POMT2: variants seen among roughly 807,000 people sequenced by gnomAD.
The protein encoded by POMT2 is protein O-mannosyltransferase 2, also known as protein O-mannosyl-transferase 2.
A neutral mutation model predicts 100.0 loss-of-function variants in POMT2; 75 were observed. The ratio of observed to expected loss-of-function variants is 0.75; its 90% CI spans 0.62 to 0.91. The LOEUF is 0.91. Among genes scored for constraint, POMT2 ranks in the 40% least tolerant of loss-of-function variants. The pLI is 0.00. For missense variants in POMT2, 940 were observed against 955.1 expected, an observed-to-expected ratio of 0.98 and a Z score of 0.21; for synonymous variants, 378 against 374.1, an observed-to-expected ratio of 1.01 and a Z score of -0.12.
chr14:77,293,210 T>C lies in POMT2; in HGVS notation c.1117-1830A>G, dbSNP rs556552283. 3.0e-3 allele frequency among the ~76,000 whole-genome samples: 455 copies of C among 152,344 alleles called. 3 individuals carry two copies. The highest frequency in any genetic ancestry group is 0.011 in the African/African-American group (439 of 41,580). On this transcript the variant is annotated intron_variant, in intron 9 of 20. Transcript: ENST00000261534. ...TCGATATCGTCCATCCAGCCTGGATTTGCTCAAGGAAGTTAAGGTTCTATG... is the reference window on the plus strand; with the variant it reads ...TCGATATCGTCCATCCAGCCTGGATCTGCTCAAGGAAGTTAAGGTTCTATG...
At chr14:77,280,707 A>AAAGAGGG (rs1487735146) in intron 15 of POMT2, among the ~76,000 whole-genome samples, 1 of 151,872 alleles carries the variant, frequency 6.6e-6, no homozygotes, top group African/African-American at 2.4e-5. Context: ...AAAAGAAGGG[A>AAAGAGGG]AAGAGGAAAT....
At chr14:77,278,309 C>T in intron 20 of POMT2, 85 bp downstream of exon 20, 1 of 1,146,790 alleles carries the variant, frequency 8.7e-7, no homozygotes, top group Non-Finnish European at 1.3e-6. Flanking sequence ...GTGTTAAAAG[C>T]ACCGCAGGGG....
chr14:77,310,916 C>T (rs953662928), intron 2 of POMT2, among the ~76,000 whole-genome samples: 10 of 152,230 alleles, frequency 6.6e-5, no homozygotes, highest in African/African-American at 2.4e-4. Context: ...GGTGGACCAC[C>T]TGAGGTTGGG....
In POMT2 at chr14:77,302,956, A is replaced by G. The variant is rs761097529; in HGVS notation, c.548-13T>C. On this transcript the variant is annotated splice_polypyrimidine_tract_variant and intron_variant, in intron 4 of 20. Coordinates refer to ENST00000261534, the MANE Select transcript of POMT2 (RefSeq NM_013382.7). ...AGGCATCCCGTGTCTGAAAAACATGAGCTCGCTGGTGAAAAAGCGAGGTAA... is the reference window on the plus strand; with the variant it reads ...AGGCATCCCGTGTCTGAAAAACATGGGCTCGCTGGTGAAAAAGCGAGGTAA... The G allele has an allele frequency of 6.3e-7, 1 of 1,597,364 alleles. No individual in the cohort carries two copies. Among genetic ancestry groups the G allele is most frequent in the South Asian group, 1.1e-5 (1 of 89,898 alleles).
At chr14:77,318,987 C>T (rs1455957292) in intron 1 of POMT2, among the ~76,000 whole-genome samples, 7 of 152,182 alleles carry the variant, frequency 4.6e-5, no homozygotes, top group African/African-American at 1.4e-4. Context: ...CTGCCCGCCT[C>T]GGCCTCCCAA....
rs777753083 is a variant in POMT2 at position 77,302,817 on chromosome 14, G to A, written c.656+18C>T. ...CCACAGCTTCCAACCCTCCCCTCCC[G>A]GGGATGGAGTTTCTGACCTGTCGGC... On this transcript the variant is annotated intron_variant, in intron 5 of 20. Coordinates refer to ENST00000261534, the MANE Select transcript of POMT2 (RefSeq NM_013382.7). 4.7e-5 allele frequency: 75 copies of A among 1,595,760 alleles called. No homozygotes were observed. In the Middle Eastern group the frequency reaches 1.0e-3, roughly 22 times the overall value.
At chr14:77,298,574 C>T (rs111467911) in intron 8 of POMT2, 115 bp downstream of exon 8, 48 of 1,093,256 alleles carry the variant, frequency 4.4e-5, no homozygotes, top group African/African-American at 4.2e-4. Flanking sequence ...GGGTCTTTCT[C>T]CCACCGTGCC....
intron 6 of POMT2, 104 bp downstream of exon 6, chr14:77,300,986 A>G: frequency 6.2e-7 from 1 of 1,608,204 alleles, no homozygotes; most frequent in East Asian, 2.2e-5. Flanking sequence ...GACCCAGAAC[A>G]CAGCCACTCT....
At chr14:77,277,782 C>G (rs964812312) in intron 20 of POMT2, among the ~76,000 whole-genome samples, 1 of 152,190 alleles carries the variant, frequency 6.6e-6, no homozygotes, top group Non-Finnish European at 1.5e-5. Flanking sequence ...GAATGTAACC[C>G]TCTTAGGCAG....
At position 77,275,026 on chromosome 14, in the gene POMT2, T is replaced by C. The variant is rs1218029506; in HGVS notation, c.*2350A>G. On this transcript the variant is annotated 3_prime_UTR_variant, in exon 21 of 21. Coordinates refer to ENST00000261534, the MANE Select transcript of POMT2 (RefSeq NM_013382.7). The stretch of plus-strand genomic sequence containing the variant: ...GAAGACTTTTTTTTTTTAAACCAAA[T>C]AGGCTCAAGAAGCTGGCTGGAGGTT... 1 of 152,080 alleles carries C rather than the reference T, an allele frequency of 6.6e-6. No individual in the cohort carries two copies. The highest frequency in any genetic ancestry group is 1.5e-5 in the Non-Finnish European group (1 of 68,002). 9.4% of individuals were successfully genotyped at this position (152,080 alleles called of 1,614,324 possible). A position where few individuals can be genotyped will look rare whatever the true frequency, so the allele number is the denominator to read the frequency against.
chr14:77,280,965 G>A (rs1890205203), intron 15 of POMT2, among the ~76,000 whole-genome samples: 1 of 151,914 alleles, frequency 6.6e-6, no homozygotes, highest in South Asian at 2.1e-4. Context: ...GTAGCGGTGG[G>A]TGCCTGTAAT....
intron 3 of POMT2, among the ~76,000 whole-genome samples, chr14:77,305,583 C>T (rs1474021523): frequency 3.9e-5 from 6 of 152,186 alleles, no homozygotes; most frequent in Non-Finnish European, 4.4e-5. Context: ...AATCATCTAA[C>T]GATGAGGCCA....
At chr14:77,302,242 G>C (rs2139484445) in intron 5 of POMT2, among the ~76,000 whole-genome samples, 1 of 152,344 alleles carries the variant, frequency 6.6e-6, no homozygotes, top group East Asian at 1.9e-4. Flanking sequence ...AGACTATTCT[G>C]CAAGTAGACC....
Position 77,320,692 on chromosome 14 carries a change from C to T in POMT2, c.-11G>A, listed in dbSNP as rs1378989663. 2.5e-6 allele frequency: 4 copies of T among 1,592,102 alleles called. No individual in the cohort carries two copies. Among genetic ancestry groups the T allele is most frequent in the African/African-American group, 1.3e-5 (1 of 74,468 alleles). Reference sequence around the variant, plus strand: ...CGTGGCCGGCGGCATCTTCCCCCTCCTCTGGGTCGCCCTCCGGCCCGGAGG... The same window carrying T: ...CGTGGCCGGCGGCATCTTCCCCCTCTTCTGGGTCGCCCTCCGGCCCGGAGG... On this transcript the variant is annotated 5_prime_UTR_variant, in exon 1 of 21. Transcript: ENST00000261534.
intron 1 of POMT2, among the ~76,000 whole-genome samples, chr14:77,315,278 T>C (rs1891584535): frequency 6.6e-6 from 1 of 152,066 alleles, no homozygotes; most frequent in African/African-American, 2.4e-5. Context: ...GGGGAGGTCG[T>C]GATGCAAGCC....
At chr14:77,318,294 A>C (rs889371451) in intron 1 of POMT2, among the ~76,000 whole-genome samples, 1 of 152,196 alleles carries the variant, frequency 6.6e-6, no homozygotes, top group Non-Finnish European at 1.5e-5. Context: ...CTCACTATGA[A>C]AACATAAAAA....
intron 9 of POMT2, among the ~76,000 whole-genome samples, chr14:77,294,229 T>C (rs1890742236): frequency 6.6e-6 from 1 of 152,256 alleles, no homozygotes; most frequent in African/African-American, 2.4e-5. Flanking sequence ...CCAATTCTCA[T>C]CTTGTGGCTC....
chr14:77,320,842 G>A lies in POMT2; in HGVS notation c.-161C>T. 1.5e-6 allele frequency: 2 copies of A among 1,342,718 alleles called. No homozygotes were observed. Among genetic ancestry groups the A allele is most frequent in the Non-Finnish European group, 1.9e-6 (2 of 1,047,224 alleles). 83.2% of individuals were successfully genotyped at this position (1,342,718 alleles called of 1,614,324 possible). On this transcript the variant is annotated 5_prime_UTR_variant, in exon 1 of 21. Transcript: ENST00000261534. Reference sequence around the variant, plus strand: ...CCCCGGGCTCGGGGCGGGGCGGGCAGCGTGGTCGCGGCCCGGGCCGCTAGG... The same window carrying A: ...CCCCGGGCTCGGGGCGGGGCGGGCAACGTGGTCGCGGCCCGGGCCGCTAGG...
chr14:77,286,750 A>G lies in POMT2; in HGVS notation c.1326T>C (p.Tyr442=). ...MTRKHYQVTG[Y]GINGTGDSND... is the part of the protein sequence containing the mutation. ...ATCCCCGTTGCTTACTTACTATGCC[A>G]TAGCCGGTGACCTGATAGTGCTTCC... The change falls in exon 12 of 21, where the codon TAT becomes TAC. Residue 442 remains tyrosine (Y), a synonymous_variant. Transcript: ENST00000261534. The G allele has an allele frequency of 6.2e-7, 1 of 1,614,178 alleles. No individual in the cohort carries two copies. The highest frequency in any genetic ancestry group is 1.1e-5 in the South Asian group (1 of 91,082).
Sources: allele counts gnomAD v4.1 joint callset (sites outside exome capture counted in the v4.1 genomes callset), GRCh38; gene constraint gnomAD v4.1.1; transcripts MANE v1.5; gene names NCBI Gene and HGNC (gene_info 2026-07-23, HGNC 2026-07-21).